The following MMS22L variants were observed in gnomAD, a reference collection of about 807,000 sequenced individuals.
MMS22L encodes MMS22 like, DNA repair protein.
MMS22L carries 74 observed loss-of-function variants against 159.1 expected under a neutral mutation model. The observed-to-expected ratio is 0.47, with a 90% CI of 0.39 to 0.56. The LOEUF is 0.56. Ranked by LOEUF, MMS22L falls within the 20% of genes least tolerant of loss-of-function variation. The pLI, the probability that MMS22L is intolerant of heterozygous loss-of-function variation, is 0.00. For missense variants in MMS22L, 1,351 were observed against 1,422.1 expected, an observed-to-expected ratio of 0.95 and a Z score of 0.80; for synonymous variants, 517 against 506.9, an observed-to-expected ratio of 1.02 and a Z score of -0.27.
Position 97,272,860 on chromosome 6 carries a change from AG to A in MMS22L, c.449del (p.Ala150ValfsTer21). On this transcript the variant is annotated frameshift_variant, in exon 6 of 25. Coordinates refer to ENST00000683635, the MANE Select transcript of MMS22L (RefSeq NM_001350599.2). LOFTEE classifies it high-confidence loss of function. ...AAGGATGGACAGGAACATGACTCTC[AG>A]CATTCTGTACTTTCAGATACCTAAA... ...FIFRYLKVQN[A>X]ESHVPVHPYE... 6.2e-7 allele frequency: 1 copy of A among 1,613,274 alleles called. No homozygotes were observed. Among genetic ancestry groups the A allele is most frequent in the East Asian group, 2.2e-5 (1 of 44,860 alleles).
At chr6:97,199,514 G>C (rs561635979) in intron 14 of MMS22L, among the ~76,000 whole-genome samples, 1 of 152,170 alleles carries the variant, frequency 6.6e-6, no homozygotes, top group South Asian at 2.1e-4. Flanking sequence ...AATTACAATA[G>C]CTAATGCACT....
At chr6:97,161,787 G>A (rs1376568417) in intron 22 of MMS22L, among the ~76,000 whole-genome samples, 1 of 151,982 alleles carries the variant, frequency 6.6e-6, no homozygotes, top group African/African-American at 2.4e-5. Flanking sequence ...GAGAAAAAAA[G>A]CCAAAACTAA....
chr6:97,169,735 A>T (rs776229455), intron 19 of MMS22L, among the ~76,000 whole-genome samples: 2 of 152,186 alleles, frequency 1.3e-5, no homozygotes, highest in Admixed American at 6.5e-5. Flanking sequence ...GCAATATTAG[A>T]AGAACTTATA....
chr6:97,242,890 T>C (rs1223287073), intron 11 of MMS22L, among the ~76,000 whole-genome samples: 1 of 152,206 alleles, frequency 6.6e-6, no homozygotes, highest in African/African-American at 2.4e-5. Flanking sequence ...TGTTTAAGGA[T>C]GCCAAAGATA....
chr6:97,191,953 A>G (rs1241785600), intron 14 of MMS22L, among the ~76,000 whole-genome samples: 1 of 152,206 alleles, frequency 6.6e-6, no homozygotes, highest in Non-Finnish European at 1.5e-5. Context: ...ACAATAGACA[A>G]CTTCTAGGTA....
At chr6:97,177,325 A>G (rs564035496) in intron 18 of MMS22L, among the ~76,000 whole-genome samples, 3 of 152,294 alleles carry the variant, frequency 2.0e-5, no homozygotes, top group Admixed American at 6.5e-5. Context: ...GGCACTTAGC[A>G]TATAATGCCT....
At chr6:97,152,184 G>A (rs1051464752) in intron 22 of MMS22L, among the ~76,000 whole-genome samples, 1 of 151,706 alleles carries the variant, frequency 6.6e-6, no homozygotes, top group African/African-American at 2.4e-5. Flanking sequence ...GTAACATACC[G>A]ACAAAAGAAA....
At chr6:97,154,143 C>T (rs1042562894) in intron 22 of MMS22L, among the ~76,000 whole-genome samples, 3 of 152,036 alleles carry the variant, frequency 2.0e-5, no homozygotes, top group Admixed American at 6.6e-5. Context: ...TATCTGACTC[C>T]CTCATTATAG....
chr6:97,199,622 T>G (rs1321177660), intron 14 of MMS22L, among the ~76,000 whole-genome samples: 1 of 152,036 alleles, frequency 6.6e-6, no homozygotes, highest in African/African-American at 2.4e-5. Flanking sequence ...CAGTAAATTA[T>G]ACAACCAGAA....
chr6:97,268,094 A>G, intron 7 of MMS22L, 92 bp from the exon 8 acceptor site: 1 of 914,126 alleles, frequency 1.1e-6, no homozygotes, highest in Non-Finnish European at 1.5e-6. Context: ...TAACAAAACT[A>G]AAACATACAG....
At chr6:97,276,062 A>C (rs1369579355) in intron 4 of MMS22L, among the ~76,000 whole-genome samples, 2 of 152,140 alleles carry the variant, frequency 1.3e-5, no homozygotes, top group Non-Finnish European at 1.5e-5. Context: ...AAAACATGTC[A>C]TTAAGTATGT....
At chr6:97,254,045 T>C (rs1227705145) in intron 10 of MMS22L, 1 of 152,604 alleles carries the variant, frequency 6.6e-6, no homozygotes, top group East Asian at 1.9e-4. Flanking sequence ...GAAATTAATA[T>C]ACTAGTTAAA....
intron 11 of MMS22L, among the ~76,000 whole-genome samples, chr6:97,236,989 A>G (rs1811491368): frequency 6.6e-6 from 1 of 152,126 alleles, no homozygotes; most frequent in Non-Finnish European, 1.5e-5. Context: ...GATTAGAAGC[A>G]GGCATATTCA....
In MMS22L at chr6:97,219,051, TG is replaced by T. The variant is rs1809335890; in HGVS notation, c.2039+9842del. 3.1e-4 allele frequency among the ~76,000 whole-genome samples: 47 copies of T among 152,250 alleles called. No individual in the cohort carries two copies. The South Asian group carries it at 8.9e-3, about 29-fold the overall frequency. ...CTCACTCAATACTACAAGAACAGCA[TG>T]TGGGAACCACCCCCATGATCCAATC... On this transcript the variant is annotated intron_variant, in intron 14 of 24. Coordinates refer to ENST00000683635, the MANE Select transcript of MMS22L (RefSeq NM_001350599.2).
chr6:97,236,292 T>C (rs966241248), intron 11 of MMS22L, among the ~76,000 whole-genome samples: 1 of 142,400 alleles, frequency 7.0e-6, no homozygotes, highest in African/African-American at 2.7e-5. Context: ...AGACTGCCAT[T>C]GCACTGGGAG....
At chr6:97,164,507 T>C (rs1431455737) in intron 21 of MMS22L, among the ~76,000 whole-genome samples, 1 of 148,086 alleles carries the variant, frequency 6.8e-6, no homozygotes, top group Non-Finnish European at 1.5e-5. Flanking sequence ...GTTTTGTTTT[T>C]CATTTGCTTA....
At chr6:97,255,629 A>T (rs1813715977) in intron 9 of MMS22L, among the ~76,000 whole-genome samples, 1 of 152,050 alleles carries the variant, frequency 6.6e-6, no homozygotes, top group Non-Finnish European at 1.5e-5. Flanking sequence ...ATTTCCCTCT[A>T]ATTATAACTT....
chr6:97,208,200 T>C (rs754751275), intron 14 of MMS22L, among the ~76,000 whole-genome samples: 4 of 152,138 alleles, frequency 2.6e-5, no homozygotes, highest in Admixed American at 2.0e-4. Context: ...TGTACTCTCC[T>C]ACCTTTATGT....
rs182836832 is a variant in MMS22L, at chr6:97,277,214, A to G, written c.340+1635T>C. ...TGGATCACAAGGTCAGGAGTTCGAC[A>G]CCAGCCTGACCAACATGGTGAAACC... On this transcript the variant is annotated intron_variant, in intron 4 of 24. Coordinates refer to ENST00000683635, the MANE Select transcript of MMS22L (RefSeq NM_001350599.2). Among the ~76,000 whole-genome samples, 377 of 152,252 alleles carry G rather than the reference A, an allele frequency of 2.5e-3. 3 individuals carry two copies. The highest frequency in any genetic ancestry group is 8.6e-3 in the African/African-American group (356 of 41,552).
Sources: gnomAD v4.1 joint callset for allele counts (sites outside exome capture counted in the v4.1 genomes callset) on GRCh38, gnomAD v4.1.1 for gene constraint, MANE v1.5 for transcripts, NCBI Gene and HGNC (gene_info 2026-07-23, HGNC 2026-07-21) for gene names.